MAP9: variants seen among roughly 807,000 people sequenced by gnomAD.
MAP9 encodes microtubule associated protein 9.
MAP9 carries 80 observed loss-of-function variants against 75.2 expected under a neutral mutation model. The observed-to-expected ratio is 1.06, with a 90% CI of 0.89 to 1.28. MAP9 has a LOEUF of 1.28. MAP9 is among the 50% of genes most tolerant of loss of function. The pLI is 0.00. For missense variants in MAP9, 753 were observed against 719.9 expected, an observed-to-expected ratio of 1.05 and a Z score of -0.53; for synonymous variants, 235 against 237.3, an observed-to-expected ratio of 0.99 and a Z score of 0.09.
At chr4:155,364,044 A>G (rs927478440) in intron 5 of MAP9, among the ~76,000 whole-genome samples, 1 of 152,148 alleles carries the variant, frequency 6.6e-6, no homozygotes, top group Non-Finnish European at 1.5e-5. Context: ...GGCACCATGC[A>G]GTCAAATTGC....
intron 3 of MAP9, among the ~76,000 whole-genome samples, chr4:155,374,679 C>T (rs1314379279): frequency 6.6e-6 from 1 of 152,104 alleles, no homozygotes; most frequent in African/African-American, 2.4e-5. Flanking sequence ...TTACTGCAAA[C>T]CTGCCATCAA....
chr4:155,367,338 GC>G (rs1262542674), intron 5 of MAP9: 1 of 152,248 alleles, frequency 6.6e-6, no homozygotes, highest in Non-Finnish European at 1.5e-5. Flanking sequence ...CTACAAGCCA[GC>G]TACAAGCCAA....
intron 6 of MAP9, 140 bp from the exon 7 acceptor site, chr4:155,360,555 A>T (rs916740543): frequency 2.0e-5 from 15 of 763,902 alleles, no homozygotes; most frequent in Admixed American, 6.1e-5. Context: ...TTATCATATT[A>T]AACTTGCATA....
In MAP9 at chr4:155,353,317, TTCTTC is replaced by T; in HGVS notation, c.1399_1403del (p.Glu467SerfsTer6). 1 of 1,577,150 alleles carries T rather than the reference TTCTTC, an allele frequency of 6.3e-7. No individual in the cohort carries two copies. The highest frequency in any genetic ancestry group is 8.6e-7 in the Non-Finnish European group (1 of 1,169,046). On this transcript the variant is annotated frameshift_variant, in exon 11 of 14. Coordinates refer to ENST00000311277, the MANE Select transcript of MAP9 (RefSeq NM_001039580.2). LOFTEE classifies it high-confidence loss of function. ...TCCAGGCCTCAAATGATGCTAATGCTTCTTCTCTTTTAGCAGCTTTTTTCTACAGT... is the reference window on the plus strand; with the variant it reads ...TCCAGGCCTCAAATGATGCTAATGCTTCTTTTAGCAGCTTTTTTCTACAGT...
intron 5 of MAP9, among the ~76,000 whole-genome samples, chr4:155,365,885 G>T (rs1184420420): frequency 6.6e-6 from 1 of 151,268 alleles, no homozygotes; most frequent in Non-Finnish European, 1.5e-5. Context: ...AGATCACAAG[G>T]GAAGTTAAAA....
intron 3 of MAP9, among the ~76,000 whole-genome samples, chr4:155,373,835 A>C (rs2111293217): frequency 6.6e-6 from 1 of 152,292 alleles, no homozygotes. Flanking sequence ...CTTCATGTAA[A>C]ATCAAGAACA....
intron 4 of MAP9, among the ~76,000 whole-genome samples, chr4:155,370,262 T>C (rs192328521): frequency 2.8e-4 from 43 of 152,320 alleles, no homozygotes; most frequent in African/African-American, 8.9e-4. Context: ...CTTTCCTAGA[T>C]CACTGCTTCC....
chr4:155,370,531 G>C (rs189867381), intron 4 of MAP9, among the ~76,000 whole-genome samples: 87 of 152,258 alleles, frequency 5.7e-4, no homozygotes, highest in Admixed American at 1.0e-3. Context: ...TACCTAAGCT[G>C]ATCCCCCTGC....
intron 5 of MAP9, 178 bp downstream of exon 5, chr4:155,368,407 GT>G (rs1732423901): frequency 1.6e-6 from 1 of 632,322 alleles, no homozygotes; most frequent in Admixed American, 2.8e-5. Flanking sequence ...AATTGATGCA[GT>G]TTTAGACTCG....
At chr4:155,368,513 TTC>T (rs1732429970) in intron 5 of MAP9, 71 bp downstream of exon 5, 3 of 1,229,516 alleles carry the variant, frequency 2.4e-6, no homozygotes, top group Non-Finnish European at 3.6e-6. Context: ...CATTCTCTCC[TTC>T]TCTTTTTCAT....
At chr4:155,372,724 A>C (rs963953324) in intron 4 of MAP9, among the ~76,000 whole-genome samples, 3 of 152,240 alleles carry the variant, frequency 2.0e-5, no homozygotes, top group African/African-American at 7.2e-5. Context: ...TAGAAGGATT[A>C]GTCTCAATAT....
chr4:155,349,750 T>C (rs1256004788), intron 13 of MAP9: 2 of 152,242 alleles, frequency 1.3e-5, no homozygotes, highest in Non-Finnish European at 2.9e-5. Flanking sequence ...AGACAGACCA[T>C]CTAGCTAGGC....
rs752051732 is a variant in MAP9 at position 155,368,618 on chromosome 4, T to C, written c.676A>G (p.Lys226Glu). The C allele has an allele frequency of 5.0e-6, 8 of 1,614,082 alleles. No homozygotes were observed. Among genetic ancestry groups the C allele is most frequent in the Non-Finnish European group, 6.8e-6 (8 of 1,180,028 alleles). ...TPNGIQLEAE[K>E]KAFSENLDPE... ...TCAAGGTTTTCAGAGAATGCTTTTT[T>C]CTCAGCTTCTAATTGTATGCCATTC... The change falls in exon 5 of 14, where the codon AAA (lysine) becomes GAA (glutamate). Residue 226 changes from lysine to glutamate, a missense_variant. By Grantham distance (56) the Lys-to-Glu change is moderately conservative. Coordinates refer to ENST00000311277, the MANE Select transcript of MAP9 (RefSeq NM_001039580.2).
At chr4:155,355,182 C>A (rs1731715282) in intron 9 of MAP9, 22 bp from the exon 10 acceptor site, 2 of 814,326 alleles carry the variant, frequency 2.5e-6, no homozygotes, top group South Asian at 2.2e-5. Flanking sequence ...AGAAAAAGGT[C>A]ATATAATATT....
At chr4:155,368,337 A>G in intron 5 of MAP9, 1 of 595,646 alleles carries the variant, frequency 1.7e-6, no homozygotes. Context: ...GGTGTGTTAT[A>G]GTTTAATTGG....
chr4:155,356,384 T>A (rs908859230), intron 8 of MAP9, among the ~76,000 whole-genome samples: 7 of 152,146 alleles, frequency 4.6e-5, no homozygotes, highest in Non-Finnish European at 8.8e-5. Context: ...GAAGGGGACA[T>A]AACTTAAATA....
Position 155,373,472 on chromosome 4 carries a change from G to T in MAP9, c.161-16C>A. 3 of 1,438,038 alleles carry T rather than the reference G, an allele frequency of 2.1e-6. No homozygotes were observed. The highest frequency in any genetic ancestry group is 1.5e-5 in the South Asian group (1 of 67,964). 89.1% of individuals were successfully genotyped at this position (1,438,038 alleles called of 1,614,324 possible). A position where few individuals can be genotyped will look rare whatever the true frequency, so the allele number is the denominator to read the frequency against. ...CCTAAAGAAACTGAAAAATGGAAAA[G>T]AAAAATGTTTTCAACAGTATTTTTA... is the stretch of plus-strand genomic sequence containing the variant. On this transcript the variant is annotated splice_polypyrimidine_tract_variant and intron_variant, in intron 3 of 13. Transcript: ENST00000311277.
chr4:155,353,473 CT>C, intron 10 of MAP9, 133 bp from the exon 11 acceptor site: 1 of 734,982 alleles, frequency 1.4e-6, no homozygotes, highest in Non-Finnish European at 1.9e-6. Flanking sequence ...TAGAAATTAA[CT>C]TTCAAAGTAG....
At chr4:155,372,409 T>C (rs1732641318) in intron 4 of MAP9, among the ~76,000 whole-genome samples, 1 of 152,204 alleles carries the variant, frequency 6.6e-6, no homozygotes, top group Non-Finnish European at 1.5e-5. Context: ...TACAAGTTCA[T>C]GAATGGTGGC....
Sources: gnomAD v4.1 joint callset for allele counts (sites outside exome capture counted in the v4.1 genomes callset) on GRCh38, gnomAD v4.1.1 for gene constraint, MANE v1.5 for transcripts, NCBI Gene and HGNC (gene_info 2026-07-23, HGNC 2026-07-21) for gene names.